The following ATF1 variants were observed in gnomAD, a reference collection of about 807,000 sequenced individuals.
ATF1 encodes the protein activating transcription factor 1.
In ATF1, 16 loss-of-function variants were observed where a neutral mutation model predicts 34.7. That is an observed-to-expected ratio of 0.46 (90% CI 0.31 to 0.70). The LOEUF is 0.70. Ranked by LOEUF, ATF1 falls within the 30% of genes least tolerant of loss-of-function variation. The pLI is 0.05. For synonymous variants in ATF1, 105 were observed against 113.1 expected (o/e 0.93, Z 0.46); for missense variants, 255 against 321.6 (o/e 0.79, Z 1.58).
intron 3 of ATF1, among the ~76,000 whole-genome samples, chr12:50,808,357 TCA>T (rs2139686999): frequency 6.6e-6 from 1 of 152,226 alleles, no homozygotes; most frequent in African/African-American, 2.4e-5. Flanking sequence ...AGATGGAATC[TCA>T]CTCTGTCGCC....
chr12:50,785,336 CACAG>C (rs1271528287), intron 2 of ATF1, among the ~76,000 whole-genome samples: 31 of 93,844 alleles, frequency 3.3e-4, no homozygotes, highest in African/African-American at 1.1e-3. Context: ...CACACACACA[CACAG>C]ACGTATATAT....
At chr12:50,794,924 T>TA (rs1941381005) in intron 2 of ATF1, among the ~76,000 whole-genome samples, 2 of 151,818 alleles carry the variant, frequency 1.3e-5, no homozygotes, top group South Asian at 2.1e-4. Context: ...GTCTCAAAAA[T>TA]AAAAAAATTA....
At position 50,790,278 on chromosome 12, in the gene ATF1, C is replaced by T. The variant is rs111468824; in HGVS notation, c.94-5631C>T. Among the ~76,000 whole-genome samples, 39 of 148,358 alleles carry T rather than the reference C, an allele frequency of 2.6e-4. 2 individuals are homozygous for T. The highest frequency in any genetic ancestry group is 9.2e-4 in the African/African-American group (37 of 40,224). On this transcript the variant is annotated intron_variant, in intron 2 of 6. Transcript: ENST00000262053. ...GGAGTGCAGTGGCGCAATCACAGCT[C>T]ACCACAACCTCCACCTCCTGGGCTC...
At chr12:50,812,258 T>C (rs374874718) in intron 4 of ATF1, among the ~76,000 whole-genome samples, 1 of 152,308 alleles carries the variant, frequency 6.6e-6, no homozygotes, top group East Asian at 1.9e-4. Flanking sequence ...TATTTTGATA[T>C]ATTAGGTTGG....
chr12:50,794,696 G>GTTACAAACT (rs1202998056), intron 2 of ATF1, among the ~76,000 whole-genome samples: 2 of 152,072 alleles, frequency 1.3e-5, no homozygotes, highest in Non-Finnish European at 2.9e-5. Context: ...ACTTTGGGAG[G>GTTACAAACT]CCTGCTTGAG....
chr12:50,777,893 C>T (rs1452622195), intron 1 of ATF1, among the ~76,000 whole-genome samples: 1 of 151,910 alleles, frequency 6.6e-6, no homozygotes, highest in Non-Finnish European at 1.5e-5. Context: ...TGCCCTCTCT[C>T]TCTCTAATTG....
chr12:50,806,950 T>G (rs534500921), intron 3 of ATF1, among the ~76,000 whole-genome samples: 1 of 152,336 alleles, frequency 6.6e-6, no homozygotes, highest in South Asian at 2.1e-4. Context: ...ACAGTTGTAT[T>G]AGCTCTTGGT....
At position 50,820,166 on chromosome 12, in the gene ATF1, T is replaced by TTA. The variant is rs1019514500; in HGVS notation, c.*395_*396dup. 6.0e-4 allele frequency: 136 copies of TTA among 225,600 alleles called. 1 individual carries two copies. Among genetic ancestry groups the TTA allele is most frequent in the African/African-American group, 2.2e-3 (98 of 44,182 alleles). The allele number at this position is 225,600 out of a possible 1,614,324, so 14.0% of individuals were successfully genotyped here. ...TTTGCTGAAATTTACCTTTTTTTAG[T>TTA]TATATATATGTGTGTGTGTGTGTGT... On this transcript the variant is annotated 3_prime_UTR_variant, in exon 7 of 7. Coordinates refer to ENST00000262053, the MANE Select transcript of ATF1 (RefSeq NM_005171.5).
chr12:50,810,165 C>T (rs978557619), intron 4 of ATF1, among the ~76,000 whole-genome samples: 43 of 150,250 alleles, frequency 2.9e-4, no homozygotes, highest in African/African-American at 1.1e-3. Flanking sequence ...TATGTAGTTC[C>T]GTACATAATT....
In ATF1 at chr12:50,813,884, T is replaced by C. The variant is rs1310876201; in HGVS notation, c.329-126T>C. On this transcript the variant is annotated intron_variant, in intron 4 of 6. Transcript: ENST00000262053. ...GTAGTTCACCTAAAGTAAAGTAGTC[T>C]GCAGTTACCAAGTAGAAGTGCATTC... 4 of 838,312 alleles carry C rather than the reference T, an allele frequency of 4.8e-6. No homozygotes were observed. The Admixed American group carries it at 1.2e-4, about 25-fold the overall frequency. 51.9% of individuals were successfully genotyped at this position (838,312 alleles called of 1,614,324 possible). A position where few individuals can be genotyped will look rare whatever the true frequency, so the allele number is the denominator to read the frequency against.
intron 6 of ATF1, among the ~76,000 whole-genome samples, chr12:50,817,207 C>CA (rs1460517063): frequency 6.6e-6 from 1 of 151,766 alleles, no homozygotes; most frequent in Non-Finnish European, 1.5e-5. Flanking sequence ...TTCATAGCAG[C>CA]AAAAAATCAG....
At chr12:50,779,207 A>G (rs1941000330) in intron 1 of ATF1, among the ~76,000 whole-genome samples, 2 of 152,370 alleles carry the variant, frequency 1.3e-5, no homozygotes, top group African/African-American at 2.4e-5. Context: ...ATTGTGAATA[A>G]TAATGCTGCC....
intron 1 of ATF1, among the ~76,000 whole-genome samples, chr12:50,768,099 C>G (rs1383469787): frequency 1.3e-5 from 2 of 152,104 alleles, no homozygotes; most frequent in Non-Finnish European, 2.9e-5. Context: ...TCTCGAACTC[C>G]TGACCTCAGG....
At chr12:50,782,018 A>G (rs1228103173) in intron 2 of ATF1, among the ~76,000 whole-genome samples, 1 of 152,132 alleles carries the variant, frequency 6.6e-6, no homozygotes, top group Admixed American at 6.6e-5. Context: ...TTCAGACTGT[A>G]CATGGCAAAT....
At chr12:50,809,667 A>C in intron 4 of ATF1, 78 bp downstream of exon 4, 1 of 1,405,322 alleles carries the variant, frequency 7.1e-7, no homozygotes, top group Non-Finnish European at 9.7e-7. Flanking sequence ...TGTTAGGAAA[A>C]CTGTAATACT....
In ATF1 at chr12:50,820,410, G is replaced by A. The variant is rs1941927269; in HGVS notation, c.*631G>A. ...AAGGCATCTAAGGTACATGAATGGA[G>A]TATGGTGATTTTATAACATTTTTTA... On this transcript the variant is annotated 3_prime_UTR_variant, in exon 7 of 7. Transcript: ENST00000262053. 1.6e-5 allele frequency: 3 copies of A among 186,120 alleles called. No homozygotes were observed. Among genetic ancestry groups the A allele is most frequent in the East Asian group, 8.7e-5 (1 of 11,496 alleles). 11.5% of individuals were successfully genotyped at this position (186,120 alleles called of 1,614,324 possible).
chr12:50,799,818 T>C (rs1592191379), intron 3 of ATF1, among the ~76,000 whole-genome samples: 1 of 152,150 alleles, frequency 6.6e-6, no homozygotes, highest in East Asian at 1.9e-4. Flanking sequence ...AATCTGAACA[T>C]AGAAAAGAGA....
chr12:50,802,894 A>AAG (rs59130230), intron 3 of ATF1, among the ~76,000 whole-genome samples: 2 of 149,000 alleles, frequency 1.3e-5, no homozygotes, highest in Admixed American at 1.3e-4. Flanking sequence ...AAAAAAAAAA[A>AAG]GATCTAAATA....
At chr12:50,766,029 T>TG (rs942894859) in intron 1 of ATF1, among the ~76,000 whole-genome samples, 1 of 152,198 alleles carries the variant, frequency 6.6e-6, no homozygotes, top group Admixed American at 6.5e-5. Flanking sequence ...AATTATTTCT[T>TG]GCGCGAGATC....
Sources: allele counts gnomAD v4.1 joint callset (sites outside exome capture counted in the v4.1 genomes callset), GRCh38; gene constraint gnomAD v4.1.1; transcripts MANE v1.5; gene names NCBI Gene and HGNC (gene_info 2026-07-23, HGNC 2026-07-21).